Variants in AVL9 observed in about 807,000 individuals in gnomAD.
AVL9 encodes late secretory pathway protein AVL9 homolog.
In AVL9, 49 loss-of-function variants were observed where a neutral mutation model predicts 79.2. The ratio of observed to expected loss-of-function variants is 0.62; its 90% confidence interval spans 0.49 to 0.79. The LOEUF is 0.79. Ranked by LOEUF, AVL9 falls within the 30% of genes least tolerant of loss-of-function variation. The pLI, the probability that AVL9 is intolerant of heterozygous loss-of-function variation, is 0.00. For synonymous variants in AVL9, 299 were observed against 280.6 expected (o/e 1.07, Z -0.65); for missense variants, 682 against 776.8 (o/e 0.88, Z 1.45).
Position 32,558,619 on chromosome 7 carries a change from CT to C in AVL9, c.675del (p.Pro226GlnfsTer3). On this transcript the variant is annotated frameshift_variant, in exon 9 of 16. Coordinates refer to ENST00000318709, the MANE Select transcript of AVL9 (RefSeq NM_015060.3). LOFTEE classifies it high-confidence loss of function. ...GGGTGCACTGATGACTGTGTTATCC[CT>C]TTTTCCAGGTAAGAAAACAGCAGTA... ...LVGALMTVLS[L>X]FPGMIEHGLS... The C allele has an allele frequency of 2.5e-6, 4 of 1,608,870 alleles. No individual in the cohort carries two copies. The highest frequency in any genetic ancestry group is 1.3e-5 in the African/African-American group (1 of 74,754).
chr7:32,579,430 ATATATATTATATATAATATAT>A lies in AVL9; in HGVS notation c.1689-762_1689-742del, dbSNP rs1277569126. ...ATATATAATATGTTATATATATAAT[ATATATATTATATATAATATAT>A]TATATATTATATATAATATATTATA... On this transcript the variant is annotated intron_variant, in intron 13 of 15. Coordinates refer to ENST00000318709, the MANE Select transcript of AVL9 (RefSeq NM_015060.3). 2.5e-3 allele frequency among the ~76,000 whole-genome samples: 6 copies of A among 2,406 alleles called. 3 individuals are homozygous for A. The highest frequency in any genetic ancestry group is 0.02 in the South Asian group (2 of 102). The allele number at this position is 2,406 out of a possible 152,430, so 1.6% of individuals were successfully genotyped here.
At chr7:32,583,466 G>T (rs1406719264) in intron 15 of AVL9, among the ~76,000 whole-genome samples, 3 of 152,160 alleles carry the variant, frequency 2.0e-5, no homozygotes, top group Non-Finnish European at 4.4e-5. Context: ...GGGAGGCTGA[G>T]GCAGGAGGAT....
In AVL9 at chr7:32,568,213, T is replaced by A. The variant is rs142773029; in HGVS notation, c.1216-1807T>A. On this transcript the variant is annotated intron_variant, in intron 10 of 15. Coordinates refer to ENST00000318709, the MANE Select transcript of AVL9 (RefSeq NM_015060.3). The stretch of plus-strand genomic sequence containing the variant: ...TATTCTTTTATTTATTTATTTTTTT[T>A]TTTTTGAGATGGAGTCTTACTCTGT... Among the ~76,000 whole-genome samples the A allele has an allele frequency of 2.5e-3, 381 of 151,516 alleles. 6 individuals carry two copies. The East Asian group carries it at 0.033, about 13-fold the overall frequency.
chr7:32,529,523 A>G (rs948890299), intron 1 of AVL9, among the ~76,000 whole-genome samples: 9 of 152,236 alleles, frequency 5.9e-5, no homozygotes, highest in African/African-American at 2.2e-4. Flanking sequence ...TTTCATTTAG[A>G]AAAAGCAAAG....
At chr7:32,506,971 T>G (rs1383094169) in intron 1 of AVL9, among the ~76,000 whole-genome samples, 1 of 151,988 alleles carries the variant, frequency 6.6e-6, no homozygotes, top group East Asian at 1.9e-4. Context: ...CTTAACTAGA[T>G]AGTTGCAAAA....
chr7:32,518,811 A>G (rs766651439), intron 1 of AVL9, among the ~76,000 whole-genome samples: 1 of 152,226 alleles, frequency 6.6e-6, no homozygotes, highest in Admixed American at 6.5e-5. Context: ...CTATAATGAA[A>G]TTATAATAGT....
chr7:32,517,203 T>G (rs1787940918), intron 1 of AVL9, among the ~76,000 whole-genome samples: 1 of 152,200 alleles, frequency 6.6e-6, no homozygotes, highest in South Asian at 2.1e-4. Context: ...TTATGTGTTT[T>G]GGCCACAGGG....
chr7:32,558,793 CT>C (rs1218965150), intron 9 of AVL9, 135 bp from the exon 10 acceptor site: 3 of 1,044,572 alleles, frequency 2.9e-6, no homozygotes, highest in Non-Finnish European at 2.7e-6. Context: ...GGGCTTCTTT[CT>C]GTTCTTTTTG....
intron 1 of AVL9, chr7:32,536,179 T>G (rs1788897432): frequency 7.6e-6 from 1 of 131,664 alleles, no homozygotes; most frequent in African/African-American, 2.6e-5. Context: ...AGGGCTGCCA[T>G]GTACAGCTAT....
Position 32,570,160 on chromosome 7 carries a change from T to C in AVL9, c.1350+6T>C. The C allele has an allele frequency of 1.9e-6, 3 of 1,614,140 alleles. No homozygotes were observed. Among genetic ancestry groups the C allele is most frequent in the Non-Finnish European group, 2.5e-6 (3 of 1,180,008 alleles). On this transcript the variant is annotated splice_donor_region_variant and intron_variant, in intron 11 of 15. Coordinates refer to ENST00000318709, the MANE Select transcript of AVL9 (RefSeq NM_015060.3). ...TCAGTGATGCCATTGTGGAAGTACGTTTATGTGTGAGTGTGTGTATTTGGC... is the reference window on the plus strand; with the variant it reads ...TCAGTGATGCCATTGTGGAAGTACGCTTATGTGTGAGTGTGTGTATTTGGC...
intron 1 of AVL9, among the ~76,000 whole-genome samples, chr7:32,503,369 TATATACAC>T (rs1303642320): frequency 1.2e-4 from 12 of 101,334 alleles, no homozygotes; most frequent in East Asian, 6.1e-4. Context: ...GAGATATATA[TATATACAC>T]ACACACACAC....
At position 32,579,438 on chromosome 7, in the gene AVL9, T is replaced by A. The variant is rs868135124; in HGVS notation, c.1689-781T>A. On this transcript the variant is annotated intron_variant, in intron 13 of 15. Coordinates refer to ENST00000318709, the MANE Select transcript of AVL9 (RefSeq NM_015060.3). ...TATGTTATATATATAATATATATAT[T>A]ATATATAATATATTATATATTATAT... Among the ~76,000 whole-genome samples the A allele has an allele frequency of 3.7e-3, 35 of 9,440 alleles. 8 individuals carry two copies. Among genetic ancestry groups the A allele is most frequent in the African/African-American group, 0.017 (30 of 1,774 alleles). The allele number at this position is 9,440 out of a possible 152,430, so 6.2% of individuals were successfully genotyped here. A position where few individuals can be genotyped will look rare whatever the true frequency, so the allele number is the denominator to read the frequency against.
chr7:32,508,944 A>G (rs180892853), intron 1 of AVL9, among the ~76,000 whole-genome samples: 2 of 152,340 alleles, frequency 1.3e-5, no homozygotes, highest in African/African-American at 4.8e-5. Context: ...GACCCTTTAC[A>G]TTTCCATATA....
At chr7:32,523,006 C>A (rs764990358) in intron 1 of AVL9, among the ~76,000 whole-genome samples, 9 of 151,948 alleles carry the variant, frequency 5.9e-5, no homozygotes, top group Non-Finnish European at 8.8e-5. Context: ...CCATGTGGAA[C>A]TGTAAGTCCA....
intron 10 of AVL9, among the ~76,000 whole-genome samples, chr7:32,564,533 A>T (rs182679963): frequency 4.6e-5 from 7 of 152,316 alleles, no homozygotes; most frequent in African/African-American, 7.2e-5. Context: ...TAGTTATCAT[A>T]TGAATAAATG....
At position 32,577,077 on chromosome 7, in the gene AVL9, TA is replaced by T. The variant is rs1490659733; in HGVS notation, c.1688+1007del. Among the ~76,000 whole-genome samples, 21 of 152,346 alleles carry T rather than the reference TA, an allele frequency of 1.4e-4. No individual in the cohort carries two copies. The East Asian group carries it at 4.1e-3, about 29-fold the overall frequency. On this transcript the variant is annotated intron_variant, in intron 13 of 15. Transcript: ENST00000318709. Reference sequence around the variant, plus strand: ...GGCCAGGCACAGTGGCTCACGCCTGTAATCCCAGCACTTTGGGAGGCTGAGG... The same window carrying T: ...GGCCAGGCACAGTGGCTCACGCCTGTATCCCAGCACTTTGGGAGGCTGAGG...
chr7:32,561,979 TTTA>T (rs1424652815), intron 10 of AVL9, among the ~76,000 whole-genome samples: 2 of 152,202 alleles, frequency 1.3e-5, no homozygotes, highest in Non-Finnish European at 2.9e-5. Context: ...ACACACAACA[TTTA>T]TTAAGTTTGC....
At chr7:32,501,509 T>C (rs1348879420) in intron 1 of AVL9, among the ~76,000 whole-genome samples, 1 of 152,210 alleles carries the variant, frequency 6.6e-6, no homozygotes, top group Non-Finnish European at 1.5e-5. Context: ...TTTTCCTGAT[T>C]TTGGCCATGC....
At chr7:32,567,795 A>G (rs1338626489) in intron 10 of AVL9, among the ~76,000 whole-genome samples, 4 of 151,496 alleles carry the variant, frequency 2.6e-5, no homozygotes, top group African/African-American at 4.9e-5. Context: ...GCTCACTGCA[A>G]CCTCCACCTC....
Sources: allele counts gnomAD v4.1 joint callset (sites outside exome capture counted in the v4.1 genomes callset), GRCh38; gene constraint gnomAD v4.1.1; transcripts MANE v1.5; gene names NCBI Gene and HGNC (gene_info 2026-07-23, HGNC 2026-07-21).